SFT2D1: variants seen among roughly 807,000 people sequenced by gnomAD.
SFT2D1 encodes the protein vesicle transport protein SFT2A.
SFT2D1 carries 24 observed loss-of-function variants against 28.1 expected under a neutral mutation model. That is an observed-to-expected ratio of 0.85 (90% CI 0.62 to 1.20). The LOEUF (loss-of-function observed/expected upper bound fraction) is 1.20, where lower values mean the gene tolerates loss of function less well. Ranked by LOEUF, SFT2D1 falls within the 50% of genes most tolerant of loss-of-function variation. The pLI, the probability that SFT2D1 is intolerant of heterozygous loss-of-function variation, is 0.00. For missense variants in SFT2D1, 181 were observed against 190.9 expected, an observed-to-expected ratio of 0.95 and a Z score of 0.31; for synonymous variants, 82 against 73.7, an observed-to-expected ratio of 1.11 and a Z score of -0.58.
intron 5 of SFT2D1, among the ~76,000 whole-genome samples, chr6:166,325,612 T>C (rs1044027664): frequency 1.1e-4 from 16 of 152,354 alleles, no homozygotes; most frequent in Middle Eastern, 6.8e-3. Flanking sequence ...GCCTCACCAC[T>C]GCAGACTCAC....
At chr6:166,335,940 T>C (rs1778641813) in intron 1 of SFT2D1, among the ~76,000 whole-genome samples, 1 of 152,272 alleles carries the variant, frequency 6.6e-6, no homozygotes, top group African/African-American at 2.4e-5. Context: ...ACTGTATTTG[T>C]GACTAATTTT....
chr6:166,326,331 C>T (rs1778444475), intron 4 of SFT2D1, among the ~76,000 whole-genome samples, 164 bp from the exon 5 acceptor site: 1 of 152,178 alleles, frequency 6.6e-6, no homozygotes, highest in Admixed American at 6.5e-5. Context: ...TATTATTTTA[C>T]TTTAAAGTCT....
intron 7 of SFT2D1, among the ~76,000 whole-genome samples, chr6:166,320,677 A>ATTT (rs34662866): frequency 1.4e-5 from 2 of 143,168 alleles, no homozygotes; most frequent in Non-Finnish European, 3.0e-5. Flanking sequence ...CACTACACTA[A>ATTT]TTTTTTTTTT....
chr6:166,330,962 GC>G (rs1429750078), intron 1 of SFT2D1, among the ~76,000 whole-genome samples: 5 of 152,182 alleles, frequency 3.3e-5, no homozygotes, highest in Non-Finnish European at 5.9e-5. Context: ...AAAGTTTTGG[GC>G]CCCTCCTCCA....
chr6:166,328,813 G>A (rs1778498036), intron 3 of SFT2D1, among the ~76,000 whole-genome samples: 1 of 152,158 alleles, frequency 6.6e-6, no homozygotes, highest in African/African-American at 2.4e-5. Flanking sequence ...CCAGTCTACA[G>A]TATTCTGTTA....
chr6:166,326,725 G>C (rs1778450750), intron 4 of SFT2D1, among the ~76,000 whole-genome samples: 1 of 152,166 alleles, frequency 6.6e-6, no homozygotes, highest in Non-Finnish European at 1.5e-5. Context: ...GATCTTACGT[G>C]GGCAGCAAAT....
intron 1 of SFT2D1, among the ~76,000 whole-genome samples, chr6:166,332,985 G>T (rs1778578276): frequency 6.6e-6 from 1 of 152,212 alleles, no homozygotes; most frequent in Non-Finnish European, 1.5e-5. Context: ...GGATCGCCAG[G>T]AGACAGCACA....
intron 2 of SFT2D1, 30 bp downstream of exon 2, chr6:166,330,131 A>C (rs753133044): frequency 1.4e-6 from 2 of 1,475,258 alleles, no homozygotes; most frequent in Non-Finnish European, 1.8e-6. Flanking sequence ...CAAAATAAAA[A>C]TTATTAAACA....
chr6:166,337,106 C>T (rs1409798806), intron 1 of SFT2D1, among the ~76,000 whole-genome samples: 1 of 152,222 alleles, frequency 6.6e-6, no homozygotes, highest in African/African-American at 2.4e-5. Flanking sequence ...TGGAGCACAG[C>T]CCAGGCAGTG....
chr6:166,322,179 A>C (rs1364674022), intron 7 of SFT2D1, among the ~76,000 whole-genome samples: 1 of 151,830 alleles, frequency 6.6e-6, no homozygotes, highest in Non-Finnish European at 1.5e-5. Context: ...CACCGCACCC[A>C]GCCGTAACTT....
At chr6:166,326,271 G>C (rs771951387) in intron 4 of SFT2D1, 104 bp from the exon 5 acceptor site, 14 of 935,864 alleles carry the variant, frequency 1.5e-5, no homozygotes, top group Non-Finnish European at 2.1e-5. Flanking sequence ...ATATACTATA[G>C]AACAAAAATA....
chr6:166,332,979 C>T (rs192941834), intron 1 of SFT2D1, among the ~76,000 whole-genome samples: 85 of 152,332 alleles, frequency 5.6e-4, no homozygotes, highest in African/African-American at 1.8e-3. Context: ...ATCCACGGAT[C>T]GCCAGGAGAC....
chr6:166,328,166 A>G (rs1778485434), intron 4 of SFT2D1, 110 bp downstream of exon 4: 1 of 474,330 alleles, frequency 2.1e-6, no homozygotes, highest in African/African-American at 2.0e-5. Context: ...TAATAATAAA[A>G]AAAAATAAAA....
At chr6:166,324,722 G>A (rs1175948588) in intron 5 of SFT2D1, 127 bp from the exon 6 acceptor site, 45 of 867,108 alleles carry the variant, frequency 5.2e-5, no homozygotes, top group Non-Finnish European at 7.8e-5. Flanking sequence ...AAATTTTAGT[G>A]TGATAAATTT....
At chr6:166,323,179 T>C (rs1778387822) in intron 6 of SFT2D1, 1 of 301,396 alleles carries the variant, frequency 3.3e-6, no homozygotes, top group South Asian at 1.4e-4. Context: ...CTTCTTATAA[T>C]AAAATAGAAA....
At chr6:166,339,369 T>C (rs1253636800) in intron 1 of SFT2D1, among the ~76,000 whole-genome samples, 1 of 152,002 alleles carries the variant, frequency 6.6e-6, no homozygotes, top group Non-Finnish European at 1.5e-5. Flanking sequence ...CTAGCAACAA[T>C]TCCCTCTTGC....
At chr6:166,321,221 T>G (rs557935936) in intron 7 of SFT2D1, among the ~76,000 whole-genome samples, 2 of 152,336 alleles carry the variant, frequency 1.3e-5, no homozygotes, top group African/African-American at 4.8e-5. Flanking sequence ...CTTCCAAAAC[T>G]GTTATTACTT....
rs148042136 is a variant in SFT2D1 at position 166,328,349 on chromosome 6, A to G, written c.242T>C (p.Phe81Ser). The change falls in exon 4 of 8, where the codon TTT becomes TCT. Residue 81 changes from phenylalanine (F) to serine (S), a missense_variant. By Grantham distance (155) the Phe-to-Ser change is radical (BLOSUM62 -2). Coordinates refer to ENST00000361731, the MANE Select transcript of SFT2D1 (RefSeq NM_145169.3). ...GNLAALASTC[F>S]LMGPVKQLKK... ...CAGTTGCTTCACAGGTCCCATTAAA[A>G]AGCATGTACTATTTGAAACAAATAA... 12 of 1,575,764 alleles carry G rather than the reference A, an allele frequency of 7.6e-6. No homozygotes were observed. The African/African-American group carries it at 1.5e-4, about 20-fold the overall frequency.
intron 3 of SFT2D1, 57 bp downstream of exon 3, chr6:166,329,450 T>C: frequency 6.8e-7 from 1 of 1,478,376 alleles, no homozygotes; most frequent in Admixed American, 1.8e-5. Flanking sequence ...AAGTGCTTAT[T>C]AGAAAGGTAA....
Sources: gnomAD v4.1 joint callset for allele counts (sites outside exome capture counted in the v4.1 genomes callset) on GRCh38, gnomAD v4.1.1 for gene constraint, MANE v1.5 for transcripts, NCBI Gene and HGNC (gene_info 2026-07-23, HGNC 2026-07-21) for gene names.